The following PRR16 variants were observed in gnomAD, a reference collection of about 807,000 sequenced individuals.
The protein encoded by PRR16 is protein Largen.
A neutral mutation model predicts 18.2 loss-of-function variants in PRR16; 6 were observed. The observed-to-expected ratio is 0.33, with a 90% CI of 0.18 to 0.65. The LOEUF (loss-of-function observed/expected upper bound fraction) is 0.65. Among genes scored for constraint, PRR16 ranks in the 30% least tolerant of loss-of-function variants. The pLI, the probability that PRR16 is intolerant of heterozygous loss-of-function variation, is 0.74. For missense variants in PRR16, 412 were observed against 376.6 expected, an observed-to-expected ratio of 1.09 and a Z score of -0.78; for synonymous variants, 151 against 147.8, an observed-to-expected ratio of 1.02 and a Z score of -0.16.
intron 1 of PRR16, among the ~76,000 whole-genome samples, chr5:120,649,851 A>G (rs1755715143): frequency 2.0e-5 from 3 of 152,110 alleles, no homozygotes; most frequent in Admixed American, 2.0e-4. Flanking sequence ...AATAAATTAA[A>G]TTATATAACT....
intron 1 of PRR16, among the ~76,000 whole-genome samples, chr5:120,667,663 C>G (rs1252807269): frequency 6.6e-6 from 1 of 151,436 alleles, no homozygotes; most frequent in Non-Finnish European, 1.5e-5. Context: ...TGTCTTTGTT[C>G]TCGTTGGTTT....
At chr5:120,465,992 G>A (rs1252716149) in intron 1 of PRR16, among the ~76,000 whole-genome samples, 2 of 152,136 alleles carry the variant, frequency 1.3e-5, no homozygotes, top group Non-Finnish European at 1.5e-5. Context: ...CCTAATGCAA[G>A]TCTGTTAAAA....
chr5:120,732,931 T>A, the PRR16 span, among the ~76,000 whole-genome samples: 1 of 152,190 alleles, frequency 6.6e-6, no homozygotes, highest in Non-Finnish European at 1.5e-5. Context: ...ATGACATGTC[T>A]GTTAGCTCAA....
At chr5:120,675,714 T>C (rs1169589273) in intron 1 of PRR16, among the ~76,000 whole-genome samples, 1 of 152,212 alleles carries the variant, frequency 6.6e-6, no homozygotes, top group African/African-American at 2.4e-5. Flanking sequence ...ACTTATTTTT[T>C]ATCTTCAATG....
the PRR16 span, among the ~76,000 whole-genome samples, chr5:120,749,899 T>TACAGAA: frequency 4.6e-5 from 7 of 152,318 alleles, no homozygotes; most frequent in Non-Finnish European, 1.0e-4. Context: ...AACTTTCTTC[T>TACAGAA]GTAGATTTAT....
chr5:120,560,883 AT>A (rs1040212990), intron 1 of PRR16, among the ~76,000 whole-genome samples: 6 of 151,914 alleles, frequency 3.9e-5, no homozygotes, highest in African/African-American at 9.7e-5. Context: ...GAATTTATCC[AT>A]TTTCTCTAGA....
intron 1 of PRR16, among the ~76,000 whole-genome samples, chr5:120,596,545 G>A (rs1753820712): frequency 6.6e-6 from 1 of 151,598 alleles, no homozygotes; most frequent in South Asian, 2.1e-4. Context: ...CATATGAAAA[G>A]TGCAGAGGAT....
chr5:120,571,872 A>G (rs1043536949), intron 1 of PRR16, among the ~76,000 whole-genome samples: 1 of 152,122 alleles, frequency 6.6e-6, no homozygotes, highest in Non-Finnish European at 1.5e-5. Flanking sequence ...TGGCTTGTCT[A>G]TAGGATCCAA....
the PRR16 span, among the ~76,000 whole-genome samples, chr5:120,771,270 T>C: frequency 6.6e-5 from 10 of 152,068 alleles, no homozygotes; most frequent in Non-Finnish European, 7.4e-5. Flanking sequence ...AGAAGGAATT[T>C]TTAAAGCTAT....
At chr5:120,519,746 T>A (rs945766324) in intron 1 of PRR16, among the ~76,000 whole-genome samples, 1 of 151,968 alleles carries the variant, frequency 6.6e-6, no homozygotes, top group African/African-American at 2.4e-5. Flanking sequence ...TTTAAAAAAA[T>A]AGAAATTAAG....
chr5:120,617,670 G>C (rs1754559891), intron 1 of PRR16, among the ~76,000 whole-genome samples: 1 of 151,762 alleles, frequency 6.6e-6, no homozygotes, highest in African/African-American at 2.4e-5. Context: ...ATTAATTTTA[G>C]TCATTAAAAA....
At chr5:120,633,767 A>G (rs2897289) in intron 1 of PRR16, among the ~76,000 whole-genome samples, 1,016 of 12,664 alleles carry the variant, frequency 0.08, 18 homozygotes, top group Non-Finnish European at 0.19. Context: ...CAGCAACACA[A>G]TAATAGTGGA....
At chr5:120,666,491 C>T (rs1211572540) in intron 1 of PRR16, among the ~76,000 whole-genome samples, 1 of 151,636 alleles carries the variant, frequency 6.6e-6, no homozygotes, top group East Asian at 2.0e-4. Flanking sequence ...ACTTCCAACA[C>T]TATGTTGCAT....
In PRR16 at chr5:120,553,178, G is replaced by C. The variant is rs112462647; in HGVS notation, c.159+88533G>C. On this transcript the variant is annotated intron_variant, in intron 1 of 1. Coordinates refer to ENST00000407149, the MANE Select transcript of PRR16 (RefSeq NM_001300783.2). ...GCAGTGATGACCAGAGTATATTGTA[G>C]ATTCCCTAAGAACTAATCTCATCAC... is the stretch of plus-strand genomic sequence containing the variant. 1.4e-3 allele frequency among the ~76,000 whole-genome samples: 208 copies of C among 151,934 alleles called. 1 individual carries two copies. Among genetic ancestry groups the C allele is most frequent in the African/African-American group, 4.6e-3 (190 of 41,502 alleles).
the PRR16 span, among the ~76,000 whole-genome samples, chr5:120,708,924 T>C: frequency 1.3e-5 from 2 of 151,356 alleles, no homozygotes; most frequent in Admixed American, 6.6e-5. Flanking sequence ...GAAATAATTT[T>C]ATTGTTTGTT....
At chr5:120,508,430 G>C (rs1258829047) in intron 1 of PRR16, among the ~76,000 whole-genome samples, 1 of 152,120 alleles carries the variant, frequency 6.6e-6, no homozygotes, top group Non-Finnish European at 1.5e-5. Flanking sequence ...AAAGGAGAAT[G>C]TGTGGAGTCT....
chr5:120,690,312 G>A (rs1224461022), downstream of PRR16, among the ~76,000 whole-genome samples: 3 of 152,052 alleles, frequency 2.0e-5, no homozygotes, highest in Admixed American at 2.0e-4. Context: ...CACAAGGAAT[G>A]GTGTGATCAA....
At chr5:120,670,452 T>G (rs1374076733) in intron 1 of PRR16, among the ~76,000 whole-genome samples, 1 of 152,176 alleles carries the variant, frequency 6.6e-6, no homozygotes, top group East Asian at 1.9e-4. Flanking sequence ...TTTTCAAATT[T>G]TATGTAACTT....
intron 1 of PRR16, among the ~76,000 whole-genome samples, chr5:120,500,772 C>G (rs901648201): frequency 6.6e-6 from 1 of 152,094 alleles, no homozygotes; most frequent in Non-Finnish European, 1.5e-5. Flanking sequence ...AAGGACATAA[C>G]ATGTTTTATT....
Sources: allele counts gnomAD v4.1 joint callset (sites outside exome capture counted in the v4.1 genomes callset), GRCh38; gene constraint gnomAD v4.1.1; transcripts MANE v1.5; gene names NCBI Gene and HGNC (gene_info 2026-07-23, HGNC 2026-07-21).